Variants in PKD2 observed in about 807,000 individuals in gnomAD.
PKD2 encodes the protein polycystin-2.
A neutral mutation model predicts 105.9 loss-of-function variants in PKD2; 48 were observed. The ratio of observed to expected loss-of-function variants is 0.45; its 90% CI spans 0.36 to 0.58. The LOEUF (loss-of-function observed/expected upper bound fraction) is 0.58, where lower values mean the gene tolerates loss of function less well. Ranked by LOEUF, PKD2 falls within the 20% of genes least tolerant of loss-of-function variation. PKD2 has a pLI of 0.00. For missense variants in PKD2, 1,078 were observed against 1,255.3 expected (o/e 0.86, Z 2.13); for synonymous variants, 464 against 481.1 (o/e 0.96, Z 0.46).
chr4:88,067,382 G>C (rs866863240), intron 12 of PKD2, among the ~76,000 whole-genome samples: 1 of 152,136 alleles, frequency 6.6e-6, no homozygotes, highest in South Asian at 2.1e-4. Flanking sequence ...ATTATTTTAA[G>C]ATGGCTCATG....
At chr4:88,038,662 C>A (rs1727433568) in intron 4 of PKD2, among the ~76,000 whole-genome samples, 161 bp downstream of exon 4, 1 of 152,184 alleles carries the variant, frequency 6.6e-6, no homozygotes, top group South Asian at 2.1e-4. Context: ...TGACCTTTGA[C>A]TTCTTAAGTT....
chr4:88,067,279 A>T (rs1378987083), intron 12 of PKD2, among the ~76,000 whole-genome samples: 1 of 152,190 alleles, frequency 6.6e-6, no homozygotes, highest in Non-Finnish European at 1.5e-5. Context: ...TATTTTTGAA[A>T]ATCCCAAATC....
Position 88,043,245 on chromosome 4 carries a change from A to G in PKD2, c.1107A>G (p.Thr369=). 1 of 1,607,484 alleles carries G rather than the reference A, an allele frequency of 6.2e-7. No homozygotes were observed. The highest frequency in any genetic ancestry group is 1.1e-5 in the South Asian group (1 of 90,968). The stretch of plus-strand genomic sequence containing the variant: ...TGTTTTTAATCAGTTGGATCTACAC[A>G]AGTGAAAAAGACTTGAATGGTAGTA... ...GPRNGTAWIY[T]SEKDLNGSSH... The change falls in exon 5 of 15, where the codon ACA becomes ACG. Residue 369 remains threonine (T), a synonymous_variant. Coordinates refer to ENST00000237596, the MANE Select transcript of PKD2 (RefSeq NM_000297.4).
intron 1 of PKD2, among the ~76,000 whole-genome samples, chr4:88,016,120 G>A (rs1033886012): frequency 1.8e-4 from 27 of 152,306 alleles, no homozygotes; most frequent in African/African-American, 5.5e-4. Context: ...GACAGGAGGC[G>A]GAGCTCGGGC....
chr4:88,076,088 G>A lies in PKD2; in HGVS notation c.*394G>A, dbSNP rs942435577. On this transcript the variant is annotated 3_prime_UTR_variant, in exon 15 of 15. Transcript: ENST00000237596. ...AGTATTGTTATTTTTTTCCAAGAGT[G>A]TGAAGGAAAATGGGGCATTCCTTTC... is the stretch of plus-strand genomic sequence containing the variant. 1.8e-5 allele frequency: 4 copies of A among 221,714 alleles called. No homozygotes were observed. The highest frequency in any genetic ancestry group is 2.7e-5 in the Non-Finnish European group (3 of 110,768). The allele number at this position is 221,714 out of a possible 1,614,324, so 13.7% of individuals were successfully genotyped here.
intron 1 of PKD2, among the ~76,000 whole-genome samples, chr4:88,012,874 A>G (rs1726433628): frequency 6.6e-6 from 1 of 152,104 alleles, no homozygotes; most frequent in Middle Eastern, 3.2e-3. Context: ...AGTATTTTCA[A>G]GGTTTATCCA....
At chr4:88,073,689 G>C (rs1354684707) in intron 13 of PKD2, among the ~76,000 whole-genome samples, 1 of 152,194 alleles carries the variant, frequency 6.6e-6, no homozygotes, top group African/African-American at 2.4e-5. Context: ...CTGGGGACAG[G>C]AGAGAAGGCT....
At chr4:88,041,831 A>C (rs968274872) in intron 4 of PKD2, among the ~76,000 whole-genome samples, 1 of 152,160 alleles carries the variant, frequency 6.6e-6, no homozygotes, top group African/African-American at 2.4e-5. Flanking sequence ...ATGCCAGCCA[A>C]AGTCCAACCT....
At chr4:88,016,181 T>C (rs1466914727) in intron 1 of PKD2, among the ~76,000 whole-genome samples, 1 of 152,192 alleles carries the variant, frequency 6.6e-6, no homozygotes, top group Non-Finnish European at 1.5e-5. Flanking sequence ...GCCCGGTTCC[T>C]AACAGGCCAT....
rs183202128 is a variant in PKD2 at position 88,051,837 on chromosome 4, A to G, written c.1549-154A>G. Among the ~76,000 whole-genome samples, 782 of 152,348 alleles carry G rather than the reference A, an allele frequency of 5.1e-3. 7 individuals are homozygous for G. Among genetic ancestry groups the G allele is most frequent in the South Asian group, 0.024 (115 of 4,828 alleles). ...TTTATGGCAGGGCTTAACACTTTCC[A>G]TTTGAGTGAGTGACTTTTAAGAATG... On this transcript the variant is annotated intron_variant, in intron 6 of 14. Transcript: ENST00000237596.
At chr4:88,015,841 C>G (rs552194423) in intron 1 of PKD2, among the ~76,000 whole-genome samples, 68 of 152,236 alleles carry the variant, frequency 4.5e-4, no homozygotes, top group African/African-American at 1.5e-3. Flanking sequence ...ACAGAGTTCC[C>G]CAGTGTTCCT....
chr4:88,056,705 G>GTT (rs1033891699), intron 8 of PKD2, among the ~76,000 whole-genome samples: 1 of 151,302 alleles, frequency 6.6e-6, no homozygotes, highest in South Asian at 2.1e-4. Flanking sequence ...AGAATTTTCA[G>GTT]TTTTTTTTTC....
chr4:88,037,661 A>G (rs527725585), intron 3 of PKD2, among the ~76,000 whole-genome samples: 64 of 152,308 alleles, frequency 4.2e-4, no homozygotes, highest in African/African-American at 1.5e-3. Context: ...CAAGGATAGC[A>G]CACTGAGAAA....
chr4:88,008,227 C>A lies in PKD2; in HGVS notation c.494C>A (p.Pro165His). The change falls in exon 1 of 15, where the codon CCC becomes CAC. Residue 165 changes from proline (P) to histidine (H), a missense_variant. Around this residue, in one of 2 missense-constraint regions of PKD2, gnomAD observed 868 missense variants for 1,067.3 expected, o/e 0.81. Transcript: ENST00000237596. ...RRREDQGPPC[P>H]SPVGGGDPLH... is the part of the protein sequence containing the mutation. ...CGAGAGGACCAGGGCCCGCCGTGCC[C>A]CAGCCCAGTCGGCGGCGGGGACCCG... is the stretch of plus-strand genomic sequence containing the variant. 7.0e-7 allele frequency: 1 copy of A among 1,438,338 alleles called. No homozygotes were observed. The highest frequency in any genetic ancestry group is 1.4e-5 in the South Asian group (1 of 71,300). The allele number at this position is 1,438,338 out of a possible 1,614,324, so 89.1% of individuals were successfully genotyped here. A position where few individuals can be genotyped will look rare whatever the true frequency, so the allele number is the denominator to read the frequency against.
intron 1 of PKD2, among the ~76,000 whole-genome samples, chr4:88,018,129 G>T: frequency 6.6e-6 from 1 of 152,194 alleles, no homozygotes; most frequent in Non-Finnish European, 1.5e-5. Context: ...ACAACTACCA[G>T]ATCTTGGCAG....
chr4:88,062,953 T>G (rs1308811760), intron 10 of PKD2, among the ~76,000 whole-genome samples: 2 of 152,174 alleles, frequency 1.3e-5, no homozygotes, highest in African/African-American at 4.8e-5. Context: ...TTACCCCAGT[T>G]TTGTTATGTA....
chr4:88,062,149 T>A, intron 10 of PKD2, 145 bp downstream of exon 10: 1 of 605,430 alleles, frequency 1.7e-6, no homozygotes, highest in East Asian at 2.9e-5. Context: ...AATTTAAATG[T>A]TCCCTATCTT....
rs762658489 is a variant in PKD2 at position 88,036,435 on chromosome 4, G to A, written c.843+82G>A. The A allele has an allele frequency of 6.3e-6, 10 of 1,595,946 alleles. No individual in the cohort carries two copies. In the South Asian group the frequency reaches 6.7e-5, roughly 11 times the overall value. On this transcript the variant is annotated intron_variant, in intron 3 of 14. Coordinates refer to ENST00000237596, the MANE Select transcript of PKD2 (RefSeq NM_000297.4). ...TTCATCATTTCAATGCATGAGTATC[G>A]ACAGGACCTGCTTTGCATTTAACAC... is the stretch of plus-strand genomic sequence containing the variant.
chr4:88,047,733 CATACCTATA>C (rs1450087551), intron 6 of PKD2, among the ~76,000 whole-genome samples: 1 of 152,104 alleles, frequency 6.6e-6, no homozygotes, highest in African/African-American at 2.4e-5. Context: ...CACAGTGGCT[CATACCTATA>C]ATCCCTGCAC....
Sources: allele counts gnomAD v4.1 joint callset (sites outside exome capture counted in the v4.1 genomes callset), GRCh38; gene constraint gnomAD v4.1.1; regional missense constraint gnomAD v4.1.1; transcripts MANE v1.5; gene names NCBI Gene and HGNC (gene_info 2026-07-23, HGNC 2026-07-21).